MMS22L: variants seen among roughly 807,000 people sequenced by gnomAD.
The protein encoded by MMS22L is MMS22 like, DNA repair protein.
In MMS22L, 74 loss-of-function variants were observed where a neutral mutation model predicts 159.1. The observed-to-expected ratio is 0.47, with a 90% CI of 0.39 to 0.56. MMS22L has a LOEUF of 0.56. Ranked by LOEUF, MMS22L falls within the 20% of genes least tolerant of loss-of-function variation. MMS22L has a pLI of 0.00. For missense variants in MMS22L, 1,351 were observed against 1,422.1 expected (o/e 0.95, Z 0.80); for synonymous variants, 517 against 506.9 (o/e 1.02, Z -0.27).
chr6:97,143,352 C>G lies in MMS22L; in HGVS notation c.*3454G>C, dbSNP rs1800727184. ...AATCAGAGAAAGCTGCTAAATGAGC[C>G]TCTTGTTTGGAAAGAGATAAGCTTG... On this transcript the variant is annotated 3_prime_UTR_variant, in exon 25 of 25. Coordinates refer to ENST00000683635, the MANE Select transcript of MMS22L (RefSeq NM_001350599.2). 6.6e-6 allele frequency: 1 copy of G among 152,124 alleles called. No individual in the cohort carries two copies. Among genetic ancestry groups the G allele is most frequent in the Admixed American group, 6.5e-5 (1 of 15,276 alleles). 9.4% of individuals were successfully genotyped at this position (152,124 alleles called of 1,614,324 possible).
chr6:97,278,398 C>T (rs1433662052), intron 4 of MMS22L, among the ~76,000 whole-genome samples: 1 of 143,316 alleles, frequency 7.0e-6, no homozygotes, highest in Non-Finnish European at 1.5e-5. Flanking sequence ...GCAGAACTCC[C>T]TATCAAAAAA....
At position 97,246,391 on chromosome 6, in the gene MMS22L, T is replaced by C. The variant is rs189861821; in HGVS notation, c.1182+237A>G. On this transcript the variant is annotated intron_variant, in intron 11 of 24. Coordinates refer to ENST00000683635, the MANE Select transcript of MMS22L (RefSeq NM_001350599.2). ...ACAGTTCTGAAGCATCTACCACTTA[T>C]TTTGAATACATTTTGTCAAAGTCAT... Among the ~76,000 whole-genome samples the C allele has an allele frequency of 1.1e-4, 17 of 152,332 alleles. No homozygotes were observed. In the East Asian group the frequency reaches 3.3e-3, roughly 29 times the overall value.
intron 11 of MMS22L, among the ~76,000 whole-genome samples, chr6:97,246,393 T>C (rs1438592947): frequency 9.8e-5 from 15 of 152,320 alleles, no homozygotes; most frequent in Admixed American, 1.3e-4. Context: ...ACCACTTATT[T>C]TGAATACATT....
At chr6:97,236,221 C>T (rs1197921485) in intron 11 of MMS22L, among the ~76,000 whole-genome samples, 1 of 150,066 alleles carries the variant, frequency 6.7e-6, no homozygotes, top group Non-Finnish European at 1.5e-5. Context: ...CCCAGCTACT[C>T]GGGAGGCCAA....
intron 14 of MMS22L, among the ~76,000 whole-genome samples, chr6:97,222,755 G>A (rs1243479742): frequency 6.6e-6 from 1 of 152,070 alleles, no homozygotes; most frequent in African/African-American, 2.4e-5. Context: ...TCAAGTTTTT[G>A]CCCAGAGCTA....
In MMS22L at chr6:97,162,040, C is replaced by G; in HGVS notation, c.3347G>C (p.Gly1116Ala). 11 of 1,611,324 alleles carry G rather than the reference C, an allele frequency of 6.8e-6. No individual in the cohort carries two copies. The highest frequency in any genetic ancestry group is 8.5e-6 in the Non-Finnish European group (10 of 1,178,728). ...GACTAACACCAAGCATTTTAAAATG[C>G]CAGGGAGGAGTAGTTCAACTTCATA... is the stretch of plus-strand genomic sequence containing the variant. The part of the protein sequence containing the change: ...DIYEVELLLP[G>A]ILKCLVLVSE... The change falls in exon 22 of 25, where the codon GGC (glycine) becomes GCC (alanine). Residue 1116 changes from glycine (G) to alanine (A), a missense_variant. Physicochemically the swap from Gly to Ala is moderately conservative, Grantham distance 60 (BLOSUM62 0). Transcript: ENST00000683635.
At chr6:97,148,971 A>G (rs1205841849) in intron 24 of MMS22L, among the ~76,000 whole-genome samples, 2 of 152,260 alleles carry the variant, frequency 1.3e-5, no homozygotes, top group South Asian at 4.1e-4. Context: ...CTATGTTTTC[A>G]TATATTTAGA....
intron 2 of MMS22L, among the ~76,000 whole-genome samples, 171 bp from the exon 3 acceptor site, chr6:97,281,533 G>A (rs921620436): frequency 6.6e-6 from 1 of 152,118 alleles, no homozygotes; most frequent in African/African-American, 2.4e-5. Context: ...GTATTAAAAC[G>A]TCAATCTTCT....
chr6:97,194,552 A>G (rs542365567), intron 14 of MMS22L, among the ~76,000 whole-genome samples: 1 of 152,254 alleles, frequency 6.6e-6, no homozygotes, highest in Non-Finnish European at 1.5e-5. Context: ...TTTCTGATCA[A>G]TAATTATTTC....
chr6:97,270,154 T>C lies in MMS22L; in HGVS notation c.607-162A>G, dbSNP rs1815571003. 6 of 652,810 alleles carry C rather than the reference T, an allele frequency of 9.2e-6. No homozygotes were observed. In the Admixed American group the frequency reaches 1.3e-4, roughly 14 times the overall value. The allele number at this position is 652,810 out of a possible 1,614,324, so 40.4% of individuals were successfully genotyped here. On this transcript the variant is annotated intron_variant, in intron 6 of 24. Transcript: ENST00000683635. Reference sequence around the variant, plus strand: ...AACCTCTGTCTTGTTCATTAGAGGATTCTTTCACTGAAGATCTTTGAAAGC... The same window carrying C: ...AACCTCTGTCTTGTTCATTAGAGGACTCTTTCACTGAAGATCTTTGAAAGC...
intron 18 of MMS22L, among the ~76,000 whole-genome samples, chr6:97,175,648 C>A (rs1003364281): frequency 6.6e-6 from 1 of 152,046 alleles, no homozygotes; most frequent in Non-Finnish European, 1.5e-5. Context: ...AATGTTGACA[C>A]ACTTCATTAT....
chr6:97,222,076 C>T lies in MMS22L; in HGVS notation c.2039+6818G>A, dbSNP rs574063034. On this transcript the variant is annotated intron_variant, in intron 14 of 24. Transcript: ENST00000683635. The stretch of plus-strand genomic sequence containing the variant: ...GCAGCCCCTCAAGTGAACAGTTCCT[C>T]TTGTACCTCCTTTTTTGCCTAGGCA... Among the ~76,000 whole-genome samples the T allele has an allele frequency of 3.3e-5, 5 of 152,160 alleles. No individual in the cohort carries two copies. The East Asian group carries it at 9.6e-4, about 29-fold the overall frequency.
At chr6:97,279,835 A>G (rs1816597530) in intron 3 of MMS22L, among the ~76,000 whole-genome samples, 1 of 152,134 alleles carries the variant, frequency 6.6e-6, no homozygotes, top group Non-Finnish European at 1.5e-5. Context: ...CTAGGTTAAC[A>G]GTTACATAAT....
At chr6:97,229,821 A>G (rs766877027) in intron 13 of MMS22L, among the ~76,000 whole-genome samples, 1 of 152,156 alleles carries the variant, frequency 6.6e-6, no homozygotes, top group Non-Finnish European at 1.5e-5. Flanking sequence ...AATTTTCCTT[A>G]AACTCTTTTC....
At chr6:97,268,056 GA>G in intron 7 of MMS22L, 54 bp from the exon 8 acceptor site, 2 of 1,239,472 alleles carry the variant, frequency 1.6e-6, no homozygotes, top group Non-Finnish European at 2.1e-6. Context: ...AGTCAGAAAG[GA>G]AAAAGTGACT....
intron 14 of MMS22L, among the ~76,000 whole-genome samples, chr6:97,197,088 GTTAAAAT>G (rs1806607898): frequency 1.3e-5 from 2 of 152,094 alleles, no homozygotes; most frequent in South Asian, 4.1e-4. Flanking sequence ...CACGCTGGAT[GTTAAAAT>G]TTAAGTTTTA....
intron 14 of MMS22L, among the ~76,000 whole-genome samples, chr6:97,206,238 A>G (rs990032450): frequency 6.6e-6 from 1 of 152,106 alleles, no homozygotes; most frequent in African/African-American, 2.4e-5. Flanking sequence ...TTTTATTGAA[A>G]TGATTTTTAA....
intron 14 of MMS22L, among the ~76,000 whole-genome samples, chr6:97,205,978 A>G (rs1208386548): frequency 6.6e-6 from 1 of 152,212 alleles, no homozygotes; most frequent in Non-Finnish European, 1.5e-5. Context: ...CTTTAATTGT[A>G]TTGTGAGGCA....
At chr6:97,186,395 A>T in intron 15 of MMS22L, 102 bp downstream of exon 15, 1 of 896,604 alleles carries the variant, frequency 1.1e-6, no homozygotes, top group Non-Finnish European at 1.6e-6. Flanking sequence ...TCTGGCTGAC[A>T]AAATGTTTGC....
Sources: gnomAD v4.1 joint callset for allele counts (sites outside exome capture counted in the v4.1 genomes callset) on GRCh38, gnomAD v4.1.1 for gene constraint, MANE v1.5 for transcripts, NCBI Gene and HGNC (gene_info 2026-07-23, HGNC 2026-07-21) for gene names.